ACBD6: variants seen among roughly 807,000 people sequenced by gnomAD.
The protein encoded by ACBD6 is acyl-CoA binding domain containing 6.
ACBD6 carries 28 observed loss-of-function variants against 37.2 expected under a neutral mutation model. The observed-to-expected ratio is 0.75, with a 90% confidence interval of 0.56 to 1.03. The LOEUF is 1.03. Ranked by LOEUF, ACBD6 falls within the 50% of genes least tolerant of loss-of-function variation. ACBD6 has a pLI of 0.00. For missense variants in ACBD6, 340 were observed against 337.4 expected (o/e 1.01, Z -0.06); for synonymous variants, 113 against 126.8 (o/e 0.89, Z 0.73).
chr1:180,314,922 C>T (rs1422563489), intron 6 of ACBD6, among the ~76,000 whole-genome samples, 200 bp from the exon 7 acceptor site: 1 of 152,174 alleles, frequency 6.6e-6, no homozygotes, highest in African/African-American at 2.4e-5. Flanking sequence ...ATAACTTGTG[C>T]ACTGTAGCAG....
chr1:180,443,604 C>T (rs1326110092), intron 3 of ACBD6, among the ~76,000 whole-genome samples: 1 of 151,816 alleles, frequency 6.6e-6, no homozygotes, highest in African/African-American at 2.4e-5. Context: ...CAAGGCACAG[C>T]TTGTTTTTTT....
intron 6 of ACBD6, among the ~76,000 whole-genome samples, chr1:180,377,949 A>AAATAAT (rs71118455): frequency 0.25 from 36,016 of 143,080 alleles, 4,515 homozygotes; most frequent in East Asian, 0.29. Flanking sequence ...CTCTGTCTCA[A>AAATAAT]AATAATAATA....
At chr1:180,361,880 C>T (rs1432667723) in intron 6 of ACBD6, among the ~76,000 whole-genome samples, 1 of 152,106 alleles carries the variant, frequency 6.6e-6, no homozygotes, top group Non-Finnish European at 1.5e-5. Context: ...ATTGAACATT[C>T]TAGGTTTTAT....
chr1:180,282,391 A>T (rs542206968), intron 8 of ACBD6, among the ~76,000 whole-genome samples: 85 of 152,326 alleles, frequency 5.6e-4, no homozygotes, highest in Non-Finnish European at 1.1e-3. Flanking sequence ...GTTGGAAATA[A>T]GCAGTTAAAA....
chr1:180,443,469 G>T (rs1398199631), intron 3 of ACBD6, among the ~76,000 whole-genome samples: 1 of 152,148 alleles, frequency 6.6e-6, no homozygotes, highest in Non-Finnish European at 1.5e-5. Flanking sequence ...GTCAATATAG[G>T]ATCATCCTCT....
intron 7 of ACBD6, among the ~76,000 whole-genome samples, chr1:180,311,635 T>C (rs558574965): frequency 6.6e-6 from 1 of 152,256 alleles, no homozygotes; most frequent in East Asian, 1.9e-4. Context: ...AAAATGTTTG[T>C]CCTGCTTCTC....
chr1:180,369,479 G>A (rs370176598), intron 6 of ACBD6, among the ~76,000 whole-genome samples: 2 of 152,048 alleles, frequency 1.3e-5, no homozygotes, highest in Admixed American at 6.6e-5. Flanking sequence ...TTATATTTTC[G>A]GAAGGGAGAA....
intron 6 of ACBD6, among the ~76,000 whole-genome samples, chr1:180,362,156 A>G (rs183747871): frequency 6.6e-6 from 1 of 152,360 alleles, no homozygotes; most frequent in East Asian, 1.9e-4. Context: ...AGAGAGGGAG[A>G]GAGGGACAAA....
At chr1:180,306,901 T>C (rs1007998538) in intron 7 of ACBD6, among the ~76,000 whole-genome samples, 4 of 152,184 alleles carry the variant, frequency 2.6e-5, no homozygotes, top group South Asian at 4.1e-4. Context: ...TTGTACACCA[T>C]TGGTGGGAAT....
At chr1:180,356,987 G>A (rs1188317932) in intron 6 of ACBD6, among the ~76,000 whole-genome samples, 1 of 151,970 alleles carries the variant, frequency 6.6e-6, no homozygotes, top group African/African-American at 2.4e-5. Flanking sequence ...TGACTGACAG[G>A]AAGAGAAGAT....
At chr1:180,411,365 T>C (rs1008126169) in intron 5 of ACBD6, among the ~76,000 whole-genome samples, 6 of 152,200 alleles carry the variant, frequency 3.9e-5, no homozygotes, top group Admixed American at 2.6e-4. Flanking sequence ...TCAAACAGCA[T>C]TGCATGTACA....
intron 6 of ACBD6, among the ~76,000 whole-genome samples, chr1:180,381,421 C>A (rs10913974): frequency 0.49 from 73,934 of 152,088 alleles, 20,795 homozygotes; most frequent in South Asian, 0.66. Context: ...ACACATTCTT[C>A]TCATCAGCAT....
chr1:180,274,516 C>T (rs896529253), intron 10 of ACBD6: 1 of 1,608,270 alleles, frequency 6.2e-7, no homozygotes, highest in Non-Finnish European at 8.5e-7. Flanking sequence ...GCAGTGTAGG[C>T]TATCCCGACT....
intron 5 of ACBD6, among the ~76,000 whole-genome samples, chr1:180,408,559 C>A (rs1647723126): frequency 6.6e-6 from 1 of 151,926 alleles, no homozygotes; most frequent in African/African-American, 2.4e-5. Context: ...AGGAGATATA[C>A]CTAATGCTAA....
downstream of ACBD6, among the ~76,000 whole-genome samples, chr1:180,284,547 G>A (rs2764457): frequency 0.065 from 9,848 of 151,792 alleles, 363 homozygotes; most frequent in African/African-American, 0.078. Context: ...GTATTTTCTG[G>A]TAGAGATGGG....
intron 3 of ACBD6, among the ~76,000 whole-genome samples, chr1:180,462,366 T>C (rs975035502): frequency 1.3e-5 from 2 of 152,172 alleles, no homozygotes; most frequent in Non-Finnish European, 2.9e-5. Flanking sequence ...ATGACTCACA[T>C]AGGCTCAAAA....
chr1:180,326,944 T>A (rs1230327734), intron 6 of ACBD6, among the ~76,000 whole-genome samples: 1 of 152,130 alleles, frequency 6.6e-6, no homozygotes. Context: ...AAAGTCCTCC[T>A]TACTCTTTGC....
At chr1:180,453,682 A>G (rs1189525581) in intron 3 of ACBD6, among the ~76,000 whole-genome samples, 3 of 152,256 alleles carry the variant, frequency 2.0e-5, no homozygotes, top group Non-Finnish European at 4.4e-5. Context: ...TAAAGCTGAT[A>G]AGCAACTTCA....
chr1:180,413,210 T>C (rs1647932416), intron 5 of ACBD6, among the ~76,000 whole-genome samples, 156 bp downstream of exon 5: 1 of 152,194 alleles, frequency 6.6e-6, no homozygotes, highest in African/African-American at 2.4e-5. Flanking sequence ...ACAGAACGTA[T>C]CTTAACTAGG....
Sources: gnomAD v4.1 joint callset for allele counts (sites outside exome capture counted in the v4.1 genomes callset) on GRCh38, gnomAD v4.1.1 for gene constraint, MANE v1.5 for transcripts, NCBI Gene and HGNC (gene_info 2026-07-23, HGNC 2026-07-21) for gene names.